Variants in OTUD7A observed in about 807,000 individuals in gnomAD.
OTUD7A encodes OTU deubiquitinase 7A.
OTUD7A carries 12 observed loss-of-function variants against 65.7 expected under a neutral mutation model. The ratio of observed to expected loss-of-function variants is 0.18; its 90% CI spans 0.12 to 0.30. The LOEUF (loss-of-function observed/expected upper bound fraction) is 0.30. Ranked by LOEUF, OTUD7A falls within the 10% of genes least tolerant of loss-of-function variation. OTUD7A has a pLI of 1.00. For synonymous variants in OTUD7A, 641 were observed against 586.3 expected, an observed-to-expected ratio of 1.09 and a Z score of -1.35; for missense variants, 1,148 against 1,304.8, an observed-to-expected ratio of 0.88 and a Z score of 1.85.
intron 1 of OTUD7A, among the ~76,000 whole-genome samples, chr15:31,809,478 T>C (rs934064630): frequency 6.6e-5 from 10 of 152,210 alleles, no homozygotes; most frequent in African/African-American, 2.4e-4. Context: ...CAGTTAGTGC[T>C]AGTGCAATAA....
At position 31,483,912 on chromosome 15, in the gene OTUD7A, G is replaced by C; in HGVS notation, c.2184C>G (p.Leu728=). 1 of 1,055,582 alleles carries C rather than the reference G, an allele frequency of 9.5e-7. No homozygotes were observed. Among genetic ancestry groups the C allele is most frequent in the Non-Finnish European group, 1.1e-6 (1 of 873,134 alleles). 65.4% of individuals were successfully genotyped at this position (1,055,582 alleles called of 1,614,324 possible). The change falls in exon 13 of 13, where the codon CTC becomes CTG. Residue 728 remains leucine (L), a synonymous_variant. Transcript: ENST00000307050. The part of the protein sequence containing the change: ...PGPPTQLVLK[L]KERPSPGPAA... Reference sequence around the variant, plus strand: ...CGGGCCCGGGGCTCGGCCGCTCCTTGAGCTTGAGCACCAGCTGCGTGGGTG... The same window carrying C: ...CGGGCCCGGGGCTCGGCCGCTCCTTCAGCTTGAGCACCAGCTGCGTGGGTG...
At chr15:31,539,868 T>C (rs1267340800) in intron 5 of OTUD7A, among the ~76,000 whole-genome samples, 1 of 152,206 alleles carries the variant, frequency 6.6e-6, no homozygotes, top group Non-Finnish European at 1.5e-5. Context: ...CCAATTTTCC[T>C]GTAGATGTGA....
intron 1 of OTUD7A, among the ~76,000 whole-genome samples, chr15:31,756,637 CACACACACACA>C (rs1894822030): frequency 2.0e-4 from 1 of 5,028 alleles, no homozygotes; most frequent in Non-Finnish European, 8.8e-4. Context: ...AACACACACA[CACACACACACA>C]CACACACACA....
chr15:31,643,122 C>A (rs1891565013), intron 3 of OTUD7A, among the ~76,000 whole-genome samples: 1 of 127,276 alleles, frequency 7.9e-6, no homozygotes, highest in South Asian at 2.4e-4. Flanking sequence ...TTACATTTTT[C>A]CACAGCTCAC....
At chr15:31,819,370 A>C (rs910475475) in intron 1 of OTUD7A, among the ~76,000 whole-genome samples, 2 of 152,242 alleles carry the variant, frequency 1.3e-5, no homozygotes, top group African/African-American at 4.8e-5. Flanking sequence ...GAGGAAAGTA[A>C]GCATGCTTTC....
Position 31,483,466 on chromosome 15 carries a change from G to C in OTUD7A, c.2630C>G (p.Pro877Arg). ...GCACTCACCGTTCGAGCGCGCGGTC[G>C]GCGCGTCGGCGTCGGCGAACTCCAG... ...DGLEFADADA[P>R]TARSNGECGR... is the part of the protein sequence containing the mutation. The change falls in exon 13 of 13, where the codon CCG becomes CGG. Residue 877 changes from proline to arginine, a missense_variant. Coordinates refer to ENST00000307050, the MANE Select transcript of OTUD7A (RefSeq NM_001382637.1). 7.2e-7 allele frequency: 1 copy of C among 1,380,322 alleles called. No individual in the cohort carries two copies. The highest frequency in any genetic ancestry group is 9.4e-7 in the Non-Finnish European group (1 of 1,066,810). The allele number at this position is 1,380,322 out of a possible 1,614,324, so 85.5% of individuals were successfully genotyped here. A position where few individuals can be genotyped will look rare whatever the true frequency, so the allele number is the denominator to read the frequency against.
chr15:31,808,140 C>CACACACAA (rs1272100227), intron 1 of OTUD7A, among the ~76,000 whole-genome samples: 15,697 of 139,624 alleles, frequency 0.11, 1,187 homozygotes, highest in Middle Eastern at 0.18. Context: ...CACACACAAA[C>CACACACAA]AAATCCTCAC....
Position 31,859,285 on chromosome 15 carries a change from A to G in OTUD7A, c.-100+11222T>C, listed in dbSNP as rs78491703. Reference sequence around the variant, plus strand: ...ATCATGTTGTACATGGAAGGGCTAAATAGAGCTAATCAATGTATGCCTTAC... The same window carrying G: ...ATCATGTTGTACATGGAAGGGCTAAGTAGAGCTAATCAATGTATGCCTTAC... On this transcript the variant is annotated intron_variant, in intron 1 of 12. Coordinates refer to ENST00000307050, the MANE Select transcript of OTUD7A (RefSeq NM_001382637.1). Among the ~76,000 whole-genome samples the G allele has an allele frequency of 1.8e-3, 277 of 152,312 alleles. 1 individual carries two copies. Among genetic ancestry groups the G allele is most frequent in the African/African-American group, 6.3e-3 (260 of 41,572 alleles).
At chr15:31,818,879 T>C (rs1896614456) in intron 1 of OTUD7A, among the ~76,000 whole-genome samples, 1 of 152,208 alleles carries the variant, frequency 6.6e-6, no homozygotes, top group Non-Finnish European at 1.5e-5. Flanking sequence ...GTGGAGAGTT[T>C]GGTAAAACTA....
chr15:31,584,200 G>T (rs1481554142), intron 3 of OTUD7A, among the ~76,000 whole-genome samples: 1 of 152,168 alleles, frequency 6.6e-6, no homozygotes, highest in Non-Finnish European at 1.5e-5. Flanking sequence ...TTCCTTTAAG[G>T]AACCTCTTAG....
intron 1 of OTUD7A, among the ~76,000 whole-genome samples, chr15:31,795,523 T>C (rs1895929319): frequency 6.6e-6 from 1 of 152,166 alleles, no homozygotes; most frequent in African/African-American, 2.4e-5. Flanking sequence ...AGCAGTATGA[T>C]TGGCTGATCT....
chr15:31,808,136 C>CACACACACACACA (rs772574742), intron 1 of OTUD7A, among the ~76,000 whole-genome samples: 3 of 119,514 alleles, frequency 2.5e-5, no homozygotes, highest in East Asian at 2.4e-4. Context: ...CACACACACA[C>CACACACACACACA]AAACAAATCC....
At position 31,767,222 on chromosome 15, in the gene OTUD7A, G is replaced by C. The variant is rs1050502824; in HGVS notation, c.-100+103285C>G. 153 of 968,046 alleles carry C rather than the reference G, an allele frequency of 1.6e-4. 1 individual carries two copies. The Admixed American group carries it at 2.9e-3, about 19-fold the overall frequency. The allele number at this position is 968,046 out of a possible 1,614,324, so 60.0% of individuals were successfully genotyped here. On this transcript the variant is annotated intron_variant, in intron 1 of 12. Transcript: ENST00000307050. ...ATTTTGAAGACTGGGGATCATCTTG[G>C]ATTTTATGTATCCCACTGGATCTAT...
rs753562281 is a variant in OTUD7A at position 31,480,186 on chromosome 15, CAGTTT to C, written c.*3103_*3107del. On this transcript the variant is annotated 3_prime_UTR_variant, in exon 13 of 13. Transcript: ENST00000307050. ...TAATACAAAAATAATTTTTATAGTA[CAGTTT>C]AAACTTGGCTTGTAAAATTTCAACG... 16 of 152,250 alleles carry C rather than the reference CAGTTT, an allele frequency of 1.1e-4. No homozygotes were observed. Among genetic ancestry groups the C allele is most frequent in the Admixed American group, 2.0e-4 (3 of 15,306 alleles). The allele number at this position is 152,250 out of a possible 1,614,324, so 9.4% of individuals were successfully genotyped here.
chr15:31,675,493 T>C (rs377519991), intron 1 of OTUD7A, among the ~76,000 whole-genome samples: 3 of 152,350 alleles, frequency 2.0e-5, no homozygotes, highest in Admixed American at 6.5e-5. Flanking sequence ...CCCACAGTTA[T>C]TCATTATACC....
chr15:31,572,275 T>C (rs534067245), intron 3 of OTUD7A, among the ~76,000 whole-genome samples: 2 of 152,176 alleles, frequency 1.3e-5, no homozygotes, highest in Non-Finnish European at 2.9e-5. Context: ...TATCTTTCTG[T>C]ATTTGCTTAC....
chr15:31,504,297 G>T (rs546491606), intron 8 of OTUD7A, among the ~76,000 whole-genome samples: 53 of 152,206 alleles, frequency 3.5e-4, no homozygotes, highest in African/African-American at 1.1e-3. Context: ...CCTTCTAGAA[G>T]ACACTCACCC....
At chr15:31,671,424 G>C (rs1178428546) in intron 1 of OTUD7A, among the ~76,000 whole-genome samples, 1 of 152,144 alleles carries the variant, frequency 6.6e-6, no homozygotes, top group Admixed American at 6.5e-5. Context: ...TGGTCTATGT[G>C]TCTGTTTTTT....
rs917861417 is a variant in OTUD7A, at chr15:31,480,701, T to C, written c.*2593A>G. 2 of 152,250 alleles carry C rather than the reference T, an allele frequency of 1.3e-5. No homozygotes were observed. The highest frequency in any genetic ancestry group is 2.4e-5 in the African/African-American group (1 of 41,464). The allele number at this position is 152,250 out of a possible 1,614,324, so 9.4% of individuals were successfully genotyped here. A position where few individuals can be genotyped will look rare whatever the true frequency, so the allele number is the denominator to read the frequency against. The stretch of plus-strand genomic sequence containing the variant: ...GTGCACGGGACTAGCACATTTAATA[T>C]GACCATCCGCTCTCTCCCTTTTGCA... On this transcript the variant is annotated 3_prime_UTR_variant, in exon 13 of 13. Transcript: ENST00000307050.
Sources: allele counts gnomAD v4.1 joint callset (sites outside exome capture counted in the v4.1 genomes callset), GRCh38; gene constraint gnomAD v4.1.1; transcripts MANE v1.5; gene names NCBI Gene and HGNC (gene_info 2026-07-23, HGNC 2026-07-21).